Variants in DNAJC13 observed in about 807,000 individuals in gnomAD.
The protein encoded by DNAJC13 is dnaJ homolog subfamily C member 13.
Under a neutral mutation model 290.5 loss-of-function variants are expected in DNAJC13, and 75 were observed. That is an observed-to-expected ratio of 0.26 (90% CI 0.21 to 0.31). The LOEUF (loss-of-function observed/expected upper bound fraction) is 0.31. Among genes scored for constraint, DNAJC13 ranks in the 10% least tolerant of loss-of-function variants. DNAJC13 has a pLI of 1.00. For synonymous variants in DNAJC13, 862 were observed against 892.0 expected, an observed-to-expected ratio of 0.97 and a Z score of 0.60; for missense variants, 2,260 against 2,674.5, an observed-to-expected ratio of 0.85 and a Z score of 3.42.
At chr3:132,479,125 G>A (rs756236422) in intron 24 of DNAJC13, 102 bp from the exon 25 acceptor site, 2 of 593,034 alleles carry the variant, frequency 3.4e-6, no homozygotes, top group East Asian at 2.9e-5. Context: ...TTATAAAATG[G>A]CATTACTTCT....
At chr3:132,516,645 G>A in intron 47 of DNAJC13, 59 bp from the exon 48 acceptor site, 5 of 1,544,138 alleles carry the variant, frequency 3.2e-6, no homozygotes, top group Non-Finnish European at 4.4e-6. Flanking sequence ...GGTTGAAAAT[G>A]AATTCTGATT....
intron 13 of DNAJC13, 21 bp downstream of exon 13, chr3:132,457,389 G>T (rs1380660862): frequency 6.3e-7 from 1 of 1,596,978 alleles, no homozygotes; most frequent in Non-Finnish European, 8.6e-7. Flanking sequence ...GTTTTCTTAA[G>T]GAAACTGGTT....
chr3:132,436,936 A>C (rs1030699718), intron 2 of DNAJC13, among the ~76,000 whole-genome samples: 2 of 148,724 alleles, frequency 1.3e-5, no homozygotes, highest in African/African-American at 5.0e-5. Context: ...CCCAGGCTGG[A>C]GTGCTGATCT....
intron 30 of DNAJC13, 60 bp from the exon 31 acceptor site, chr3:132,488,916 T>C: frequency 7.5e-7 from 1 of 1,327,786 alleles, no homozygotes; most frequent in Non-Finnish European, 1.1e-6. Flanking sequence ...TTTAGAAAAC[T>C]AAGGTTACAA....
rs1405232773 is a variant in DNAJC13 at position 132,457,322 on chromosome 3, A to G, written c.1403A>G (p.Asn468Ser). Residue 468 changes from asparagine (N) to serine (S), a missense_variant, in exon 13 of 56, where the codon AAC (asparagine) becomes AGC (serine). Transcript: ENST00000260818. ...KVVKALKRSNNGIIHAAVDML... is the reference protein window; with the variant it reads ...KVVKALKRSNSGIIHAAVDML... ...GTAAAAGCACTCAAAAGAAGCAACA[A>G]CGGAATAATCCATGCAGCAGTTGAT... is the stretch of plus-strand genomic sequence containing the variant. 2.5e-6 allele frequency: 4 copies of G among 1,613,646 alleles called. No individual in the cohort carries two copies. The highest frequency in any genetic ancestry group is 1.1e-5 in the South Asian group (1 of 91,036).
rs1407467796 is a variant in DNAJC13, at chr3:132,456,897, G to A, written c.1349+65G>A. 2.0e-6 allele frequency: 3 copies of A among 1,534,640 alleles called. No homozygotes were observed. The African/African-American group carries it at 4.1e-5, about 21-fold the overall frequency. The stretch of plus-strand genomic sequence containing the variant: ...TGAACTACTCAAAATGGCAAATAAT[G>A]AACGATTCACCTCCTTTTCCTTGAC... On this transcript the variant is annotated intron_variant, in intron 12 of 55. Transcript: ENST00000260818.
In DNAJC13 at chr3:132,478,066, A is replaced by G; in HGVS notation, c.2635A>G (p.Ile879Val). 6.2e-7 allele frequency: 1 copy of G among 1,613,602 alleles called. No homozygotes were observed. The highest frequency in any genetic ancestry group is 8.5e-7 in the Non-Finnish European group (1 of 1,179,848). ...MKCLCLQALA[I>V]VYGRCHEEIG... ...GTGTTTATGTTTACAAGCCCTTGCTATTGTTTATGGCAGATGTCACGAAGA... is the reference window on the plus strand; with the variant it reads ...GTGTTTATGTTTACAAGCCCTTGCTGTTGTTTATGGCAGATGTCACGAAGA... Residue 879 changes from isoleucine to valine, a missense_variant, in exon 24 of 56, where the codon ATT (isoleucine) becomes GTT (valine). Around this residue, in one of 3 missense-constraint regions of DNAJC13, gnomAD observed 1,494 missense variants for 1,693.7 expected, o/e 0.88. Coordinates refer to ENST00000260818, the MANE Select transcript of DNAJC13 (RefSeq NM_015268.4).
intron 1 of DNAJC13, among the ~76,000 whole-genome samples, chr3:132,431,711 A>C (rs1192845585): frequency 6.6e-6 from 1 of 152,232 alleles, no homozygotes; most frequent in African/African-American, 2.4e-5. Flanking sequence ...TGTATTATTC[A>C]TAATAGCCAA....
intron 2 of DNAJC13, among the ~76,000 whole-genome samples, chr3:132,443,160 T>C (rs1421293791): frequency 2.0e-5 from 3 of 152,152 alleles, no homozygotes; most frequent in African/African-American, 7.2e-5. Flanking sequence ...AAGATAAAAA[T>C]CTTTTTTTTA....
chr3:132,484,597 C>A lies in DNAJC13; in HGVS notation c.3192C>A (p.Asp1064Glu). The change falls in exon 29 of 56, where the codon GAC (aspartate) becomes GAA (glutamate). Residue 1064 changes from aspartate to glutamate, a missense_variant. Transcript: ENST00000260818. ...AGAAAATGTTTTCTAGGGATCAAGA[C>A]AATGCCATCATTCGGCCTCTACCCA... ...MCGYFPSRDQ[D>E]NAIIRPLPKV... 1 of 1,613,974 alleles carries A rather than the reference C, an allele frequency of 6.2e-7. No homozygotes were observed. Among genetic ancestry groups the A allele is most frequent in the South Asian group, 1.1e-5 (1 of 91,084 alleles).
At chr3:132,450,262 T>G (rs953782095) in intron 5 of DNAJC13, among the ~76,000 whole-genome samples, 16 of 152,146 alleles carry the variant, frequency 1.1e-4, no homozygotes, top group African/African-American at 3.1e-4. Context: ...CTCTTTTCAT[T>G]ATTGAACTTG....
At position 132,483,630 on chromosome 3, in the gene DNAJC13, A is replaced by C. The variant is rs960968727; in HGVS notation, c.3182+53A>C. On this transcript the variant is annotated intron_variant, in intron 28 of 55. Coordinates refer to ENST00000260818, the MANE Select transcript of DNAJC13 (RefSeq NM_015268.4). ...TTAATTGATATGCTTCCTTAGTAAC[A>C]GCATAGAATCGGTCTGGTGTTTTAA... 1.8e-5 allele frequency: 28 copies of C among 1,535,498 alleles called. No homozygotes were observed. In the Admixed American group the frequency reaches 3.7e-4, roughly 20 times the overall value.
intron 54 of DNAJC13, 26 bp downstream of exon 54, chr3:132,528,358 G>C (rs1936322468): frequency 6.2e-7 from 1 of 1,611,718 alleles, no homozygotes; most frequent in Non-Finnish European, 8.5e-7. Context: ...GTCAACTTTT[G>C]ATATTCTAAA....
At chr3:132,505,196 A>G in intron 41 of DNAJC13, 106 bp from the exon 42 acceptor site, 2 of 678,264 alleles carry the variant, frequency 2.9e-6, no homozygotes, top group African/African-American at 1.8e-5. Flanking sequence ...CCATTATACT[A>G]TAGGCAACTA....
In DNAJC13 at chr3:132,484,611, G is replaced by A. The variant is rs1482268756; in HGVS notation, c.3206G>A (p.Arg1069Gln). The A allele has an allele frequency of 2.5e-6, 4 of 1,613,930 alleles. No homozygotes were observed. The highest frequency in any genetic ancestry group is 1.1e-5 in the South Asian group (1 of 91,078). The part of the protein sequence containing the change: ...PSRDQDNAII[R>Q]PLPKVKRLLS... Reference sequence around the variant, plus strand: ...AGGGATCAAGACAATGCCATCATTCGGCCTCTACCCAAAGTGAAAAGACTG... The same window carrying A: ...AGGGATCAAGACAATGCCATCATTCAGCCTCTACCCAAAGTGAAAAGACTG... Residue 1069 changes from arginine (R) to glutamine (Q), a missense_variant, in exon 29 of 56, where the codon CGG becomes CAG. Arg to Gln is a conservative substitution (Grantham distance 43). Coordinates refer to ENST00000260818, the MANE Select transcript of DNAJC13 (RefSeq NM_015268.4).
chr3:132,447,184 T>C (rs1559872600), intron 3 of DNAJC13, 137 bp from the exon 4 acceptor site: 3 of 713,014 alleles, frequency 4.2e-6, no homozygotes, highest in South Asian at 5.0e-5. Context: ...ACAGAATTAC[T>C]GTAAGACACA....
At position 132,499,865 on chromosome 3, in the gene DNAJC13, T is replaced by C; in HGVS notation, c.4416+57T>C. The C allele has an allele frequency of 2.7e-6, 4 of 1,478,970 alleles. 1 individual carries two copies. The allele number at this position is 1,478,970 out of a possible 1,614,324, so 91.6% of individuals were successfully genotyped here. On this transcript the variant is annotated intron_variant, in intron 38 of 55. Coordinates refer to ENST00000260818, the MANE Select transcript of DNAJC13 (RefSeq NM_015268.4). The stretch of plus-strand genomic sequence containing the variant: ...TGCACTAGTTCAATGGTTCAGACTT[T>C]AACATATCTGAGAATCAACTGGAGG...
At chr3:132,500,696 C>T (rs1935380053) in intron 38 of DNAJC13, 98 bp from the exon 39 acceptor site, 1 of 1,495,012 alleles carries the variant, frequency 6.7e-7, no homozygotes, top group Admixed American at 1.8e-5. Context: ...TACCATTAAG[C>T]ATTATTCACA....
At chr3:132,462,711 T>C (rs896787844) in intron 16 of DNAJC13, among the ~76,000 whole-genome samples, 188 bp downstream of exon 16, 1 of 152,192 alleles carries the variant, frequency 6.6e-6, no homozygotes, top group African/African-American at 2.4e-5. Context: ...TAATAAAAGT[T>C]TTAATTTCAT....
Sources: gnomAD v4.1 joint callset for allele counts (sites outside exome capture counted in the v4.1 genomes callset) on GRCh38, gnomAD v4.1.1 for gene constraint, gnomAD v4.1.1 regional missense constraint, MANE v1.5 for transcripts, NCBI Gene and HGNC (gene_info 2026-07-23, HGNC 2026-07-21) for gene names.